Variants in PECAM1 observed in about 807,000 individuals in gnomAD.
PECAM1 encodes platelet endothelial cell adhesion molecule.
A neutral mutation model predicts 13.8 loss-of-function variants in PECAM1; 8 were observed. That is an observed-to-expected ratio of 0.58 (90% CI 0.34 to 1.05). PECAM1 has a LOEUF of 1.05. Among genes scored for constraint, PECAM1 ranks in the 50% least tolerant of loss-of-function variants. The pLI is 0.03. For missense variants in PECAM1, 304 were observed against 141.2 expected (o/e 2.15, Z -5.84); for synonymous variants, 136 against 52.6 (o/e 2.58, Z -6.86).
chr17:64,348,980 A>G (rs2035648896), intron 12 of PECAM1, among the ~76,000 whole-genome samples: 1 of 152,098 alleles, frequency 6.6e-6, no homozygotes, highest in African/African-American at 2.4e-5. Flanking sequence ...GAGACAGAAA[A>G]CAGCCCAGTA....
At chr17:64,377,617 A>AAAGGAAGGAAGGAAGGAAGGAAGG (rs386627305) in intron 3 of PECAM1, 7,252 of 252,186 alleles carry the variant, frequency 0.029, 866 homozygotes, top group African/African-American at 0.17. Flanking sequence ...TCAAAGAAAG[A>AAAGGAAGGAAGGAAGGAAGGAAGG]AAGGAAGGAA....
chr17:64,385,203 T>C (rs1175274687), intron 2 of PECAM1, among the ~76,000 whole-genome samples: 1 of 152,102 alleles, frequency 6.6e-6, no homozygotes, highest in Non-Finnish European at 1.5e-5. Context: ...CCCGGGGAGA[T>C]GAAGGTTGAC....
chr17:64,324,335 C>T (rs782422618), intron 15 of PECAM1, among the ~76,000 whole-genome samples: 1 of 152,132 alleles, frequency 6.6e-6, no homozygotes, highest in Non-Finnish European at 1.5e-5. Context: ...TGCAGTGGCG[C>T]GGTCTCTGCT....
At chr17:64,370,116 A>G (rs2036207309) in intron 4 of PECAM1, 91 bp from the exon 5 acceptor site, 1 of 397,832 alleles carries the variant, frequency 2.5e-6, no homozygotes, top group African/African-American at 2.1e-5. Flanking sequence ...CCCCTTTTCA[A>G]ACTTCTATTG....
At chr17:64,323,884 T>C (rs782395343) in intron 15 of PECAM1, 39 bp from the exon 16 acceptor site, 1 of 791,872 alleles carries the variant, frequency 1.3e-6, no homozygotes. Context: ...TGATCACACC[T>C]CTCAAGATTG....
chr17:64,348,407 C>CTTTTT (rs869282884), intron 12 of PECAM1, 85 bp from the exon 13 acceptor site: 16 of 296,220 alleles, frequency 5.4e-5, no homozygotes, highest in African/African-American at 2.1e-4. Context: ...ACTTTCTTTT[C>CTTTTT]TTTTTTTTTT....
chr17:64,343,401 G>C (rs1188414097), intron 13 of PECAM1, among the ~76,000 whole-genome samples: 1 of 152,030 alleles, frequency 6.6e-6, no homozygotes, highest in Non-Finnish European at 1.5e-5. Context: ...GAAGTTACAG[G>C]GCCCCCTGAG....
chr17:64,328,755 C>A (rs2035024616), intron 15 of PECAM1, among the ~76,000 whole-genome samples: 1 of 152,178 alleles, frequency 6.6e-6, no homozygotes, highest in African/African-American at 2.4e-5. Flanking sequence ...TCTTCCCAGA[C>A]CTAAAAGAAG....
intron 7 of PECAM1, among the ~76,000 whole-genome samples, 172 bp downstream of exon 7, chr17:64,359,968 G>C (rs1007545515): frequency 3.9e-5 from 6 of 152,060 alleles, no homozygotes; most frequent in Non-Finnish European, 8.8e-5. Context: ...GGCCAGGCTG[G>C]TCTTGAACTC....
intron 14 of PECAM1, among the ~76,000 whole-genome samples, chr17:64,339,177 C>G (rs2035363510): frequency 6.6e-6 from 1 of 152,074 alleles, no homozygotes; most frequent in African/African-American, 2.4e-5. Context: ...AGCGAGGATC[C>G]CTGCAGCTTC....
chr17:64,350,910 C>G (rs1210783418), intron 11 of PECAM1, among the ~76,000 whole-genome samples: 3 of 151,674 alleles, frequency 2.0e-5, no homozygotes, highest in Non-Finnish European at 4.4e-5. Context: ...GAGTTTCGCT[C>G]TTGTTGCTCA....
chr17:64,332,495 A>T (rs1412889404), intron 14 of PECAM1, among the ~76,000 whole-genome samples: 2 of 152,202 alleles, frequency 1.3e-5, no homozygotes, highest in African/African-American at 4.8e-5. Context: ...TTGGTAACAG[A>T]GCAATCATCA....
At chr17:64,335,144 A>G (rs1455773576) in intron 14 of PECAM1, among the ~76,000 whole-genome samples, 14 of 152,252 alleles carry the variant, frequency 9.2e-5, no homozygotes, top group African/African-American at 3.4e-4. Context: ...TTGATGTTTT[A>G]ATAAAGCCCG....
intron 14 of PECAM1, among the ~76,000 whole-genome samples, chr17:64,336,278 A>AG (rs1555647686): frequency 8.0e-5 from 12 of 149,262 alleles, no homozygotes; most frequent in African/African-American, 2.8e-4. Context: ...AAAAAAAAAA[A>AG]AAAGAAAGAA....
chr17:64,386,803 A>G (rs1391553347), intron 2 of PECAM1, among the ~76,000 whole-genome samples: 2 of 152,156 alleles, frequency 1.3e-5, no homozygotes, highest in Non-Finnish European at 2.9e-5. Context: ...AAGATAAGGA[A>G]GGAAGACAAA....
rs2036401925 is a variant in PECAM1 at position 64,378,053 on chromosome 17, G to T, written c.156C>A (p.Asn52Lys). 6.3e-6 allele frequency: 3 copies of T among 475,268 alleles called. No homozygotes were observed. The allele number at this position is 475,268 out of a possible 1,614,324, so 29.4% of individuals were successfully genotyped here. The stretch of plus-strand genomic sequence containing the variant: ...CATCCGCGAAGCACTGCAGGGTCAG[G>T]TTCTTCCCATTTTGCACCGTCCAGT... The part of the protein sequence containing the change: ...LPDWTVQNGK[N>K]LTLQCFADVS... The change falls in exon 3 of 16, where the codon AAC (asparagine) becomes AAA (lysine). Residue 52 changes from asparagine to lysine, a missense_variant. Transcript: ENST00000563924.
intron 4 of PECAM1, 78 bp from the exon 5 acceptor site, chr17:64,370,103 C>T: frequency 2.5e-6 from 1 of 398,252 alleles, no homozygotes; most frequent in Non-Finnish European, 4.4e-6. Context: ...CTTTTTGCTG[C>T]TTCCCCTTTT....
At position 64,322,981 on chromosome 17, in the gene PECAM1, A is replaced by T. The variant is rs1393909609; in HGVS notation, c.*835T>A. On this transcript the variant is annotated 3_prime_UTR_variant, in exon 16 of 16. Coordinates refer to ENST00000563924, the MANE Select transcript of PECAM1 (RefSeq NM_000442.5). The stretch of plus-strand genomic sequence containing the variant: ...CTCAGCCTCCTGAAGTGCTGGGATT[A>T]CAGGCGTGAGCCACCTTGCCTGCCC... 30 of 902,554 alleles carry T rather than the reference A, an allele frequency of 3.3e-5. No individual in the cohort carries two copies. Among genetic ancestry groups the T allele is most frequent in the Non-Finnish European group, 3.8e-5 (29 of 754,210 alleles). The allele number at this position is 902,554 out of a possible 1,614,324, so 55.9% of individuals were successfully genotyped here. A position where few individuals can be genotyped will look rare whatever the true frequency, so the allele number is the denominator to read the frequency against.
chr17:64,371,335 A>G (rs1246552503), intron 4 of PECAM1, among the ~76,000 whole-genome samples: 1 of 152,186 alleles, frequency 6.6e-6, no homozygotes, highest in East Asian at 1.9e-4. Flanking sequence ...GACAAACTAG[A>G]GAAAATATTT....
Sources: allele counts gnomAD v4.1 joint callset (sites outside exome capture counted in the v4.1 genomes callset), GRCh38; gene constraint gnomAD v4.1.1; transcripts MANE v1.5; gene names NCBI Gene and HGNC (gene_info 2026-07-23, HGNC 2026-07-21).